The following ZNF169 variants were observed in gnomAD, a reference collection of about 807,000 sequenced individuals.
ZNF169 encodes the protein zinc finger protein 169.
ZNF169 carries 11 observed loss-of-function variants against 12.0 expected under a neutral mutation model. The observed-to-expected ratio is 0.92, with a 90% CI of 0.58 to 1.52. The LOEUF (loss-of-function observed/expected upper bound fraction) is 1.52, where lower values mean the gene tolerates loss of function less well. Ranked by LOEUF, ZNF169 falls within the 40% of genes most tolerant of loss-of-function variation. ZNF169 has a pLI of 0.00. For synonymous variants in ZNF169, 302 were observed against 286.5 expected (o/e 1.05, Z -0.55); for missense variants, 722 against 744.0 (o/e 0.97, Z 0.34).
intron 4 of ZNF169, among the ~76,000 whole-genome samples, chr9:94,298,976 C>T (rs1831003485): frequency 6.6e-6 from 1 of 152,150 alleles, no homozygotes; most frequent in African/African-American, 2.4e-5. Flanking sequence ...TGTATAATCC[C>T]TGAAACATCT....
At chr9:94,265,028 T>TG (rs1052218657) in intron 1 of ZNF169, among the ~76,000 whole-genome samples, 4 of 148,214 alleles carry the variant, frequency 2.7e-5, no homozygotes, top group South Asian at 2.1e-4. Flanking sequence ...CCTGTTTTTT[T>TG]TTTTTTTTTT....
intron 3 of ZNF169, 154 bp downstream of exon 3, chr9:94,292,621 G>GTGTGTGTGTGTA: frequency 1.2e-6 from 1 of 807,104 alleles, no homozygotes. Context: ...GTGTGTGTGT[G>GTGTGTGTGTGTA]TGTGTGTGTG....
At chr9:94,286,376 T>TCA (rs1587682714) in intron 2 of ZNF169, among the ~76,000 whole-genome samples, 1 of 152,320 alleles carries the variant, frequency 6.6e-6, no homozygotes, top group East Asian at 1.9e-4. Flanking sequence ...TGATGAGGTT[T>TCA]ATGAGTCCTT....
intron 2 of ZNF169, among the ~76,000 whole-genome samples, chr9:94,286,669 G>C (rs1474127287): frequency 6.6e-6 from 1 of 152,164 alleles, no homozygotes; most frequent in Non-Finnish European, 1.5e-5. Flanking sequence ...TGAGTGGTGA[G>C]AATATGACAG....
intron 3 of ZNF169, 186 bp downstream of exon 3, chr9:94,292,653 G>GTGT (rs1830869216): frequency 1.3e-6 from 1 of 770,668 alleles, no homozygotes; most frequent in South Asian, 1.9e-5. Flanking sequence ...GCGTGCACAT[G>GTGT]CTGTGAGCGT....
intron 2 of ZNF169, among the ~76,000 whole-genome samples, chr9:94,285,803 CGTTCGAGACCAGCCT>C (rs1349591559): frequency 6.6e-5 from 10 of 152,034 alleles, no homozygotes; most frequent in Admixed American, 6.6e-4. Context: ...TGAGGTCGGG[CGTTCGAGACCAGCCT>C]GACCAACATG....
rs58102758 is a variant in ZNF169, at chr9:94,268,785, C to CAAA, written c.-56+9455_-56+9457dup. The stretch of plus-strand genomic sequence containing the variant: ...TGGGTGACAAAGTGAGACTCCATTT[C>CAAA]AAAAAAAAAAAAAAAAATTTCCAAA... On this transcript the variant is annotated intron_variant, in intron 1 of 4. Coordinates refer to ENST00000395395, the MANE Select transcript of ZNF169 (RefSeq NM_194320.4). Among the ~76,000 whole-genome samples, 53 of 113,328 alleles carry CAAA rather than the reference C, an allele frequency of 4.7e-4. 1 individual carries two copies. The highest frequency in any genetic ancestry group is 1.7e-3 in the Admixed American group (18 of 10,600). 74.3% of individuals were successfully genotyped at this position (113,328 alleles called of 152,430 possible).
chr9:94,280,444 T>C (rs1482067410), intron 2 of ZNF169, among the ~76,000 whole-genome samples: 1 of 152,268 alleles, frequency 6.6e-6, no homozygotes. Context: ...TAGCAGGCCC[T>C]AAACCTTATT....
At chr9:94,269,005 A>G (rs1222239408) in intron 1 of ZNF169, among the ~76,000 whole-genome samples, 1 of 151,978 alleles carries the variant, frequency 6.6e-6, no homozygotes. Context: ...ACATGCACAC[A>G]TATATATACA....
intron 4 of ZNF169, chr9:94,296,984 T>G (rs941366443): frequency 5.7e-6 from 2 of 348,940 alleles, no homozygotes; most frequent in Non-Finnish European, 1.1e-5. Context: ...GAGGCGGAGG[T>G]TGCAGTGAGC....
At chr9:94,288,684 T>G in intron 2 of ZNF169, 1 of 331,864 alleles carries the variant, frequency 3.0e-6, no homozygotes, top group South Asian at 2.5e-5. Context: ...ATGTAGCACT[T>G]CCCTCTTGCT....
At chr9:94,263,222 G>C (rs752580945) in intron 1 of ZNF169, among the ~76,000 whole-genome samples, 1 of 152,092 alleles carries the variant, frequency 6.6e-6, no homozygotes, top group Admixed American at 6.5e-5. Context: ...TTTCTCCATC[G>C]AGTTCTGTCA....
intron 2 of ZNF169, among the ~76,000 whole-genome samples, chr9:94,286,645 G>T (rs184370994): frequency 1.3e-5 from 2 of 152,250 alleles, no homozygotes; most frequent in Admixed American, 1.3e-4. Flanking sequence ...CCATTAAACT[G>T]CTAAAAAACA....
chr9:94,280,138 CATG>C lies in ZNF169; in HGVS notation c.33+1294_33+1296del, dbSNP rs1194528243. On this transcript the variant is annotated intron_variant, in intron 2 of 4. Coordinates refer to ENST00000395395, the MANE Select transcript of ZNF169 (RefSeq NM_194320.4). ...CTGTATGTAATCATATTCTGGGGCT[CATG>C]GTGGATATTTGCATATTTCTGGATA... is the stretch of plus-strand genomic sequence containing the variant. Among the ~76,000 whole-genome samples, 96 of 152,268 alleles carry C rather than the reference CATG, an allele frequency of 6.3e-4. 2 individuals carry two copies. The highest frequency in any genetic ancestry group is 1.0e-3 in the Non-Finnish European group (68 of 68,016).
intron 1 of ZNF169, among the ~76,000 whole-genome samples, chr9:94,274,340 G>T (rs992955883): frequency 1.3e-5 from 2 of 152,136 alleles, no homozygotes; most frequent in African/African-American, 4.8e-5. Context: ...TTGGTAAGTT[G>T]TAATATGTAT....
At chr9:94,267,882 T>TTG (rs60580106) in intron 1 of ZNF169, among the ~76,000 whole-genome samples, 1 of 149,716 alleles carries the variant, frequency 6.7e-6, no homozygotes, top group Admixed American at 6.7e-5. Flanking sequence ...TTTTTTTTTT[T>TTG]GAGACAGAGT....
At position 94,272,536 on chromosome 9, in the gene ZNF169, A is replaced by G. The variant is rs1830441458; in HGVS notation, c.-55-6222A>G. ...ATTCATATTAGTGGGATCATGCAAT[A>G]TTTTTCTTTTTGTGACTGGCTTATT... On this transcript the variant is annotated intron_variant, in intron 1 of 4. Transcript: ENST00000395395. 2.6e-5 allele frequency among the ~76,000 whole-genome samples: 4 copies of G among 151,780 alleles called. No homozygotes were observed. The South Asian group carries it at 8.3e-4, about 32-fold the overall frequency.
rs1469511262 is a variant in ZNF169, at chr9:94,292,420, TGTA to T, written c.114_116del (p.Tyr39del). On this transcript the variant is annotated inframe_deletion, in exon 3 of 5. Transcript: ENST00000395395. ...CTATTGAGTTCTGCTCAGAGGACCC[TGTA>T]CAGGGAGGTGATGCTGGAGAACTAC... The T allele has an allele frequency of 1.2e-6, 2 of 1,614,048 alleles. No homozygotes were observed. Among genetic ancestry groups the T allele is most frequent in the African/African-American group, 2.7e-5 (2 of 74,916 alleles).
intron 2 of ZNF169, among the ~76,000 whole-genome samples, chr9:94,289,731 A>G (rs1284198645): frequency 6.6e-6 from 1 of 152,244 alleles, no homozygotes; most frequent in Non-Finnish European, 1.5e-5. Context: ...CAGAGAATGC[A>G]GTGAGCTGAG....
Sources: gnomAD v4.1 joint callset for allele counts (sites outside exome capture counted in the v4.1 genomes callset) on GRCh38, gnomAD v4.1.1 for gene constraint, MANE v1.5 for transcripts, NCBI Gene and HGNC (gene_info 2026-07-23, HGNC 2026-07-21) for gene names.